Variants in LMLN observed in about 807,000 individuals in gnomAD.
The protein encoded by LMLN is leishmanolysin like peptidase.
A neutral mutation model predicts 92.3 loss-of-function variants in LMLN; 70 were observed. The observed-to-expected ratio is 0.76, with a 90% CI of 0.63 to 0.92. The LOEUF is 0.92. Ranked by LOEUF, LMLN falls within the 40% of genes least tolerant of loss-of-function variation. The pLI is 0.00. For missense variants in LMLN, 691 were observed against 814.6 expected (o/e 0.85, Z 1.85); for synonymous variants, 308 against 296.2 (o/e 1.04, Z -0.41).
chr3:197,991,863 C>CT (rs34726731), intron 9 of LMLN, among the ~76,000 whole-genome samples: 20,266 of 135,734 alleles, frequency 0.15, 1,963 homozygotes, highest in Middle Eastern at 0.21. Flanking sequence ...TACTGAGCAA[C>CT]TTTTTTTTTT....
chr3:197,976,998 G>A (rs183280445), intron 5 of LMLN, among the ~76,000 whole-genome samples: 3 of 152,200 alleles, frequency 2.0e-5, no homozygotes, highest in East Asian at 3.9e-4. Context: ...ATATCTTTTA[G>A]CAAGGCATAT....
intron 9 of LMLN, among the ~76,000 whole-genome samples, chr3:197,993,999 G>A (rs1169020456): frequency 6.6e-6 from 1 of 152,034 alleles, no homozygotes; most frequent in East Asian, 1.9e-4. Context: ...TTTTAATAAA[G>A]GTGCTAAGAA....
At chr3:197,963,817 T>C (rs1560130728) in intron 1 of LMLN, among the ~76,000 whole-genome samples, 1 of 152,206 alleles carries the variant, frequency 6.6e-6, no homozygotes, top group Non-Finnish European at 1.5e-5. Flanking sequence ...AGTTCCAGGC[T>C]GAGCAAAAGT....
At chr3:198,034,562 G>A (rs1723160354) in intron 14 of LMLN, among the ~76,000 whole-genome samples, 1 of 152,172 alleles carries the variant, frequency 6.6e-6, no homozygotes, top group African/African-American at 2.4e-5. Context: ...AGTGAGCCAA[G>A]ATCATGCCAC....
intron 8 of LMLN, among the ~76,000 whole-genome samples, chr3:197,989,205 C>A (rs1721798431): frequency 6.6e-6 from 1 of 152,190 alleles, no homozygotes; most frequent in African/African-American, 2.4e-5. Context: ...CATGGAAACG[C>A]ACCACACCGC....
chr3:197,983,607 T>C (rs545301357), intron 6 of LMLN, among the ~76,000 whole-genome samples: 7 of 152,344 alleles, frequency 4.6e-5, no homozygotes, highest in Non-Finnish European at 8.8e-5. Flanking sequence ...CCCGTAGATA[T>C]ACTGAAATGC....
In LMLN at chr3:197,980,572, T is replaced by C. The variant is rs1430565517; in HGVS notation, c.728+68T>C. On this transcript the variant is annotated intron_variant, in intron 6 of 15. Transcript: ENST00000330198. ...GAACTCTTAAAGCAAACTGTATTTT[T>C]AGTGTTAAGATTACAGGAATCTTGC... is the stretch of plus-strand genomic sequence containing the variant. 4 of 1,445,602 alleles carry C rather than the reference T, an allele frequency of 2.8e-6. No individual in the cohort carries two copies. In the African/African-American group the frequency reaches 4.2e-5, roughly 15 times the overall value. The allele number at this position is 1,445,602 out of a possible 1,614,324, so 89.5% of individuals were successfully genotyped here.
At chr3:198,012,958 C>G (rs1280368187) in intron 11 of LMLN, among the ~76,000 whole-genome samples, 1 of 112,804 alleles carries the variant, frequency 8.9e-6, no homozygotes, top group African/African-American at 5.0e-5. Flanking sequence ...CTTCAGAGCC[C>G]CCTAACTAGT....
intron 11 of LMLN, among the ~76,000 whole-genome samples, chr3:198,015,843 T>G (rs1391456386): frequency 2.6e-5 from 4 of 152,174 alleles, no homozygotes; most frequent in Admixed American, 2.6e-4. Context: ...GAAAAGCACA[T>G]CTAGTCCATC....
intron 1 of LMLN, among the ~76,000 whole-genome samples, chr3:197,966,362 T>C (rs1721060716): frequency 6.6e-6 from 1 of 152,180 alleles, no homozygotes; most frequent in African/African-American, 2.4e-5. Context: ...TTAATGTTAA[T>C]ATTATCACAC....
At chr3:197,970,532 G>T (rs1581130406) in intron 1 of LMLN, among the ~76,000 whole-genome samples, 1 of 152,222 alleles carries the variant, frequency 6.6e-6, no homozygotes, top group African/African-American at 2.4e-5. Context: ...CGTGCACAAA[G>T]TGTGGTCTAC....
At chr3:197,960,401 T>C in exon 1 of LMLN, 1 of 1,613,942 alleles carries the variant, frequency 6.2e-7, no homozygotes, top group Non-Finnish European at 8.5e-7. Context: ...CCTTGGGCAG[T>C]TCCCCTCCCT....
At chr3:197,970,653 C>T (rs1721197768) in intron 1 of LMLN, among the ~76,000 whole-genome samples, 1 of 152,202 alleles carries the variant, frequency 6.6e-6, no homozygotes, top group Non-Finnish European at 1.5e-5. Flanking sequence ...AAATGTTCAA[C>T]ATAAACCATA....
At chr3:197,989,882 A>C (rs982617108) in intron 8 of LMLN, among the ~76,000 whole-genome samples, 45 of 152,054 alleles carry the variant, frequency 3.0e-4, no homozygotes, top group African/African-American at 1.0e-3. Context: ...ATAAATTGAA[A>C]AAAATTTTTC....
exon 13 of LMLN, chr3:198,021,491 T>C (rs750423625): frequency 6.2e-7 from 1 of 1,614,080 alleles, no homozygotes; most frequent in Non-Finnish European, 8.5e-7. Flanking sequence ...TTTGCCTTAT[T>C]ATGGTGGCTC....
At chr3:197,994,907 T>C (rs568900942) in intron 9 of LMLN, among the ~76,000 whole-genome samples, 1 of 152,334 alleles carries the variant, frequency 6.6e-6, no homozygotes, top group East Asian at 1.9e-4. Flanking sequence ...TGCACTCCTG[T>C]GTTGACTGCA....
At chr3:198,013,513 T>C (rs373039809) in intron 11 of LMLN, among the ~76,000 whole-genome samples, 67 of 102,226 alleles carry the variant, frequency 6.6e-4, no homozygotes, top group East Asian at 1.5e-3. Flanking sequence ...CTTCAGAGCC[T>C]CCTAACTAGT....
intron 14 of LMLN, among the ~76,000 whole-genome samples, chr3:198,033,411 T>C (rs556786880): frequency 6.6e-6 from 1 of 151,658 alleles, no homozygotes; most frequent in East Asian, 1.9e-4. Context: ...AAAAAAATTA[T>C]TATTTTTATT....
chr3:197,970,637 G>A (rs977864751), intron 1 of LMLN, among the ~76,000 whole-genome samples: 19 of 152,280 alleles, frequency 1.2e-4, no homozygotes, highest in African/African-American at 2.4e-4. Flanking sequence ...GACTCCAGAA[G>A]CAAGCAAATG....
Sources: allele counts gnomAD v4.1 joint callset (sites outside exome capture counted in the v4.1 genomes callset), GRCh38; gene constraint gnomAD v4.1.1; transcripts MANE v1.5; gene names NCBI Gene and HGNC (gene_info 2026-07-23, HGNC 2026-07-21).